Variants in YAP1 observed in about 807,000 individuals in gnomAD.
The protein encoded by YAP1 is transcriptional coactivator YAP1.
Under a neutral mutation model 56.9 loss-of-function variants are expected in YAP1, and 5 were observed. That is an observed-to-expected ratio of 0.09 (90% CI 0.05 to 0.18). The LOEUF is 0.18. YAP1 is among the 10% of genes least tolerant of loss of function. The pLI is 1.00. For missense variants in YAP1, 539 were observed against 651.8 expected (o/e 0.83, Z 1.88); for synonymous variants, 265 against 248.1 (o/e 1.07, Z -0.64).
intron 2 of YAP1, among the ~76,000 whole-genome samples, chr11:102,159,275 C>G (rs111635117): frequency 1.2e-4 from 18 of 152,238 alleles, no homozygotes; most frequent in African/African-American, 4.1e-4. Context: ...CAGCAGGTAC[C>G]CAGGGCGCAG....
chr11:102,117,459 G>A (rs571871566), intron 2 of YAP1, among the ~76,000 whole-genome samples: 161 of 152,326 alleles, frequency 1.1e-3, no homozygotes, highest in Non-Finnish European at 1.7e-3. Context: ...GGTCCAGACA[G>A]GCAAGACGAT....
chr11:102,137,869 G>C (rs1429906908), intron 2 of YAP1, among the ~76,000 whole-genome samples: 3 of 151,650 alleles, frequency 2.0e-5, no homozygotes, highest in South Asian at 4.2e-4. Context: ...AGGTGGAAGG[G>C]AACTAAGTTC....
intron 4 of YAP1, among the ~76,000 whole-genome samples, chr11:102,200,498 G>A (rs1416265950): frequency 2.0e-5 from 3 of 150,022 alleles, no homozygotes; most frequent in Non-Finnish European, 4.4e-5. Flanking sequence ...AGGCTGGAGT[G>A]CAATGATGCA....
At position 102,230,166 on chromosome 11, in the gene YAP1, T is replaced by G; in HGVS notation, c.*226T>G. 1 of 417,352 alleles carries G rather than the reference T, an allele frequency of 2.4e-6. No homozygotes were observed. Among genetic ancestry groups the G allele is most frequent in the Non-Finnish European group, 4.3e-6 (1 of 234,680 alleles). 25.9% of individuals were successfully genotyped at this position (417,352 alleles called of 1,614,324 possible). On this transcript the variant is annotated 3_prime_UTR_variant, in exon 9 of 9. Transcript: ENST00000282441. ...CTCTAAAGAATCAAAAGAAAAAAAC[T>G]TTTTATTTCTTTTGCTATTAAAACT... is the stretch of plus-strand genomic sequence containing the variant.
At chr11:102,203,334 T>C (rs748983984) in intron 4 of YAP1, among the ~76,000 whole-genome samples, 9 of 152,220 alleles carry the variant, frequency 5.9e-5, no homozygotes, top group Non-Finnish European at 1.3e-4. Context: ...AACAAGCCAA[T>C]TGTAAAAATA....
intron 3 of YAP1, among the ~76,000 whole-genome samples, chr11:102,163,793 T>G (rs77646946): frequency 0.012 from 1,816 of 152,312 alleles, 33 homozygotes; most frequent in African/African-American, 0.042. Context: ...TGAAATGTCC[T>G]TCTGCCCCTC....
At chr11:102,117,243 A>T (rs1943344058) in intron 2 of YAP1, among the ~76,000 whole-genome samples, 1 of 152,186 alleles carries the variant, frequency 6.6e-6, no homozygotes, top group Non-Finnish European at 1.5e-5. Context: ...ATCAATATTT[A>T]TATACTTTCC....
intron 6 of YAP1, among the ~76,000 whole-genome samples, chr11:102,220,465 C>A (rs1020353365): frequency 1.3e-5 from 2 of 151,968 alleles, no homozygotes; most frequent in Non-Finnish European, 2.9e-5. Flanking sequence ...GAAAATGGAA[C>A]AAATACACTT....
chr11:102,226,069 A>G (rs1234462970), intron 7 of YAP1, among the ~76,000 whole-genome samples: 2 of 152,354 alleles, frequency 1.3e-5, no homozygotes, highest in South Asian at 4.1e-4. Flanking sequence ...TTATTCAGTA[A>G]TAGACTAAAA....
intron 3 of YAP1, among the ~76,000 whole-genome samples, chr11:102,182,513 C>T (rs971258209): frequency 6.6e-6 from 1 of 152,160 alleles, no homozygotes; most frequent in Non-Finnish European, 1.5e-5. Flanking sequence ...GGTTATTCAA[C>T]AGTTAGTTTA....
intron 4 of YAP1, among the ~76,000 whole-genome samples, chr11:102,201,693 C>T (rs955337058): frequency 3.9e-5 from 6 of 151,970 alleles, no homozygotes; most frequent in Admixed American, 3.9e-4. Context: ...CCCAGTTTTT[C>T]AGCATGAGAA....
chr11:102,153,360 A>G (rs1945772095), intron 2 of YAP1, among the ~76,000 whole-genome samples: 1 of 152,338 alleles, frequency 6.6e-6, no homozygotes, highest in South Asian at 2.1e-4. Flanking sequence ...TCCCCACCAC[A>G]GTTGTAGTGG....
intron 6 of YAP1, among the ~76,000 whole-genome samples, chr11:102,215,346 C>A (rs1949608390): frequency 1.3e-5 from 2 of 152,202 alleles, no homozygotes; most frequent in African/African-American, 2.4e-5. Context: ...CCTGCAAAAA[C>A]CCCTTGCTCC....
intron 3 of YAP1, among the ~76,000 whole-genome samples, chr11:102,170,942 C>A (rs1260867311): frequency 3.0e-4 from 44 of 148,792 alleles, no homozygotes; most frequent in Admixed American, 2.5e-3. Flanking sequence ...GCACTTCAGC[C>A]TGGGATACAG....
At chr11:102,112,660 AACC>A in intron 1 of YAP1, 8 of 985,100 alleles carry the variant, frequency 8.1e-6, no homozygotes, top group Non-Finnish European at 9.6e-6. Flanking sequence ...AAAATCACTT[AACC>A]TGATGACAAA....
intron 7 of YAP1, among the ~76,000 whole-genome samples, chr11:102,225,769 A>T (rs1284009759): frequency 6.6e-6 from 1 of 152,156 alleles, no homozygotes; most frequent in Non-Finnish European, 1.5e-5. Context: ...AATATGATTC[A>T]TTAGTATATT....
chr11:102,158,460 A>G (rs955690544), intron 2 of YAP1, among the ~76,000 whole-genome samples: 1 of 152,222 alleles, frequency 6.6e-6, no homozygotes, highest in Admixed American at 6.5e-5. Context: ...ACGAACATAC[A>G]GAGGATCTCA....
At chr11:102,128,391 G>A (rs987446282) in intron 2 of YAP1, among the ~76,000 whole-genome samples, 6 of 152,044 alleles carry the variant, frequency 3.9e-5, no homozygotes, top group Admixed American at 1.3e-4. Flanking sequence ...AGGGGTTTCC[G>A]CTTTTGCTTC....
intron 2 of YAP1, among the ~76,000 whole-genome samples, chr11:102,124,646 A>G (rs1943916085): frequency 6.6e-6 from 1 of 151,596 alleles, no homozygotes; most frequent in African/African-American, 2.4e-5. Flanking sequence ...TTATCCCACT[A>G]TTTTCTTTCA....
Sources: allele counts gnomAD v4.1 joint callset (sites outside exome capture counted in the v4.1 genomes callset), GRCh38; gene constraint gnomAD v4.1.1; transcripts MANE v1.5; gene names NCBI Gene and HGNC (gene_info 2026-07-23, HGNC 2026-07-21).